MGAT4C: variants seen among roughly 807,000 people sequenced by gnomAD.
MGAT4C encodes MGAT4 family member C, also known as alpha-1,3-mannosyl-glycoprotein 4-beta-N-acetylglucosaminyltransferase C.
Under a neutral mutation model 40.1 loss-of-function variants are expected in MGAT4C, and 19 were observed. The observed-to-expected ratio is 0.47, with a 90% CI of 0.33 to 0.70. MGAT4C has a LOEUF of 0.70. Ranked by LOEUF, MGAT4C falls within the 30% of genes least tolerant of loss-of-function variation. The probability of loss-of-function intolerance (pLI) is 0.02; values close to 1 mark genes in which losing one functional copy is unlikely to be tolerated. For synonymous variants in MGAT4C, 181 were observed against 187.1 expected, an observed-to-expected ratio of 0.97 and a Z score of 0.27; for missense variants, 491 against 563.2, an observed-to-expected ratio of 0.87 and a Z score of 1.30.
intron 3 of MGAT4C, among the ~76,000 whole-genome samples, chr12:86,433,261 T>C (rs781626649): frequency 2.0e-5 from 3 of 151,790 alleles, no homozygotes; most frequent in Non-Finnish European, 4.4e-5. Context: ...CACACACACA[T>C]ATATTTATAA....
intron 2 of MGAT4C, among the ~76,000 whole-genome samples, chr12:86,000,666 C>A (rs913022671): frequency 6.6e-5 from 10 of 151,970 alleles, no homozygotes; most frequent in African/African-American, 2.4e-4. Context: ...TTTTCCAGAT[C>A]TAATAAAGCA....
At chr12:86,333,551 C>T (rs144994177) in intron 4 of MGAT4C, among the ~76,000 whole-genome samples, 5 of 152,180 alleles carry the variant, frequency 3.3e-5, no homozygotes, top group African/African-American at 9.6e-5. Context: ...CCACCATTAG[C>T]GAGTAGCCAA....
chr12:86,259,240 CT>C (rs557348989), upstream of MGAT4C, among the ~76,000 whole-genome samples: 868 of 151,836 alleles, frequency 5.7e-3, 4 homozygotes, highest in Middle Eastern at 0.01. Context: ...ACTTCAAGAC[CT>C]TTCAGTAATT....
chr12:86,604,457 T>C (rs1961970103), intron 2 of MGAT4C, among the ~76,000 whole-genome samples: 1 of 152,188 alleles, frequency 6.6e-6, no homozygotes, highest in Admixed American at 6.5e-5. Context: ...TGCCAGAAGC[T>C]AAACCAAAAT....
intron 1 of MGAT4C, among the ~76,000 whole-genome samples, chr12:86,764,144 C>T (rs1951456259): frequency 1.3e-5 from 2 of 152,272 alleles, no homozygotes; most frequent in Non-Finnish European, 2.9e-5. Flanking sequence ...CCTGGAAAAT[C>T]AGGTCATTCC....
At position 86,232,154 on chromosome 12, in the gene MGAT4C, A is replaced by AG. The variant is rs545623665; in HGVS notation, c.-57+24084dup. The stretch of plus-strand genomic sequence containing the variant: ...TCTTCCAAAAAAGAAAAAAAAAAGG[A>AG]GGGGGGCGGGTTGGGGGGTTAAGTA... On this transcript the variant is annotated intron_variant, in intron 1 of 4. Transcript: ENST00000611864. Among the ~76,000 whole-genome samples, 256 of 60,490 alleles carry AG rather than the reference A, an allele frequency of 4.2e-3. 1 individual carries two copies. The highest frequency in any genetic ancestry group is 0.015 in the African/African-American group (247 of 16,002). 39.7% of individuals were successfully genotyped at this position (60,490 alleles called of 152,430 possible). A position where few individuals can be genotyped will look rare whatever the true frequency, so the allele number is the denominator to read the frequency against.
rs114656497 is a variant in MGAT4C, at chr12:86,335,183, T to C, written c.-119-1056A>G. ...ATCAGGAAGCCCTTAACATTCCCTC[T>C]GCTTGACTGAACTATATATAGGTTT... On this transcript the variant is annotated intron_variant, in intron 3 of 7. Coordinates refer to the MGAT4C transcript ENST00000548651. 6.1e-3 allele frequency among the ~76,000 whole-genome samples: 928 copies of C among 152,200 alleles called. 6 individuals carry two copies. The highest frequency in any genetic ancestry group is 0.022 in the African/African-American group (894 of 41,550).
intron 2 of MGAT4C, among the ~76,000 whole-genome samples, chr12:86,519,800 A>T (rs1958761079): frequency 6.6e-6 from 1 of 152,202 alleles, no homozygotes; most frequent in Non-Finnish European, 1.5e-5. Context: ...TATTCTGGTT[A>T]TTAATCCCAT....
intron 4 of MGAT4C, among the ~76,000 whole-genome samples, chr12:86,322,849 A>G (rs1954429248): frequency 6.6e-6 from 1 of 152,148 alleles, no homozygotes; most frequent in Non-Finnish European, 1.5e-5. Context: ...GATTGTGAAA[A>G]TATCAGTTTT....
intron 2 of MGAT4C, among the ~76,000 whole-genome samples, chr12:86,720,941 C>A (rs1950726323): frequency 6.6e-6 from 1 of 152,044 alleles, no homozygotes; most frequent in Non-Finnish European, 1.5e-5. Context: ...GAGAGCTGAG[C>A]AATAAGTTGT....
intron 2 of MGAT4C, among the ~76,000 whole-genome samples, chr12:86,038,568 T>TTTATTTA (rs1565894289): frequency 5.3e-5 from 5 of 93,926 alleles, no homozygotes; most frequent in African/African-American, 1.9e-4. Context: ...TTATTTATTT[T>TTTATTTA]TTTGCTTTCC....
At chr12:86,206,940 T>A (rs1369542886) in intron 1 of MGAT4C, among the ~76,000 whole-genome samples, 2 of 152,192 alleles carry the variant, frequency 1.3e-5, no homozygotes, top group Non-Finnish European at 2.9e-5. Flanking sequence ...AACTGCCATA[T>A]GCCAGGTACT....
At chr12:86,426,685 C>T (rs10776972) in intron 3 of MGAT4C, among the ~76,000 whole-genome samples, 96,614 of 151,970 alleles carry the variant, frequency 0.64, 31,342 homozygotes, top group South Asian at 0.77. Flanking sequence ...TGGTGGCTCA[C>T]GCCTGTAATC....
At chr12:86,633,557 C>CA (rs964350553) in intron 2 of MGAT4C, among the ~76,000 whole-genome samples, 3 of 151,808 alleles carry the variant, frequency 2.0e-5, no homozygotes, top group Admixed American at 6.6e-5. Flanking sequence ...TATTAGGATG[C>CA]AAAAAATGCC....
intron 3 of MGAT4C, among the ~76,000 whole-genome samples, chr12:86,376,846 G>GAC (rs1955836409): frequency 1.7e-5 from 1 of 59,522 alleles, no homozygotes; most frequent in Non-Finnish European, 4.2e-5. Context: ...GAGAGAGACA[G>GAC]AGAGAGAGAG....
intron 2 of MGAT4C, chr12:86,001,830 G>C (rs778133455): frequency 5.9e-6 from 1 of 168,556 alleles, no homozygotes; most frequent in Non-Finnish European, 1.2e-5. Context: ...TTTCTCCCAC[G>C]GTAACTTTTT....
chr12:86,336,099 C>T (rs976346463), intron 3 of MGAT4C, among the ~76,000 whole-genome samples: 2 of 152,088 alleles, frequency 1.3e-5, no homozygotes, highest in African/African-American at 4.8e-5. Flanking sequence ...TACTTAATAC[C>T]ATGTAAGTGT....
chr12:86,497,322 T>A (rs1468731187), intron 2 of MGAT4C, among the ~76,000 whole-genome samples: 1 of 152,114 alleles, frequency 6.6e-6, no homozygotes, highest in South Asian at 2.1e-4. Flanking sequence ...ATTTCAAAGT[T>A]AAAGCAGCGT....
At chr12:86,103,014 C>A (rs183502432) in intron 1 of MGAT4C, among the ~76,000 whole-genome samples, 3 of 151,942 alleles carry the variant, frequency 2.0e-5, no homozygotes. Flanking sequence ...CCTAATATTA[C>A]GTATTTTTAT....
Sources: gnomAD v4.1 joint callset for allele counts (sites outside exome capture counted in the v4.1 genomes callset) on GRCh38, gnomAD v4.1.1 for gene constraint, MANE v1.5 for transcripts, NCBI Gene and HGNC (gene_info 2026-07-23, HGNC 2026-07-21) for gene names.